NCAM1: variants seen among roughly 807,000 people sequenced by gnomAD.
NCAM1 encodes neural cell adhesion molecule 1.
A neutral mutation model predicts 109.8 loss-of-function variants in NCAM1; 14 were observed. That is an observed-to-expected ratio of 0.13 (90% CI 0.08 to 0.20). NCAM1 has a LOEUF of 0.20. Ranked by LOEUF, NCAM1 falls within the 10% of genes least tolerant of loss-of-function variation. NCAM1 has a pLI of 1.00. For missense variants in NCAM1, 774 were observed against 1,109.9 expected, an observed-to-expected ratio of 0.70 and a Z score of 4.30; for synonymous variants, 418 against 442.9, an observed-to-expected ratio of 0.94 and a Z score of 0.70.
chr11:113,162,184 C>G (rs7939805), intron 1 of NCAM1, among the ~76,000 whole-genome samples: 1 of 152,160 alleles, frequency 6.6e-6, no homozygotes, highest in Non-Finnish European at 1.5e-5. Flanking sequence ...GCTACAGGAA[C>G]AAGGCCAGGG....
chr11:113,256,863 A>C lies in NCAM1; in HGVS notation c.1953+862A>C, dbSNP rs559950355. Among the ~76,000 whole-genome samples, 97 of 152,358 alleles carry C rather than the reference A, an allele frequency of 6.4e-4. 2 individuals carry two copies. In the South Asian group the frequency reaches 6.6e-3, roughly 10 times the overall value. On this transcript the variant is annotated intron_variant, in intron 16 of 19. Transcript: ENST00000316851. ...TAACCTCTTGCTGGGGTTTCGTAGT[A>C]GAGAAAAGAATGAACCAGGGAGCAG...
Position 113,034,563 on chromosome 11 carries a change from C to CT in NCAM1, c.52+72902dup, listed in dbSNP as rs1361194960. ...TATTTCTTTTCTTCTTTTTCTTCTT[C>CT]TTTCACTGCTTCTCTTGAATGGCCC... On this transcript the variant is annotated intron_variant, in intron 1 of 19. Transcript: ENST00000316851. 4.0e-5 allele frequency among the ~76,000 whole-genome samples: 6 copies of CT among 151,794 alleles called. No homozygotes were observed. The East Asian group carries it at 1.2e-3, about 29-fold the overall frequency.
intron 1 of NCAM1, among the ~76,000 whole-genome samples, chr11:113,051,043 G>A (rs1555081730): frequency 6.6e-6 from 1 of 152,098 alleles, no homozygotes; most frequent in Admixed American, 6.6e-5. Flanking sequence ...CTGCTATAGG[G>A]AACCCATGGA....
At chr11:113,151,114 C>T (rs1180080530) in intron 1 of NCAM1, among the ~76,000 whole-genome samples, 1 of 152,174 alleles carries the variant, frequency 6.6e-6, no homozygotes, top group African/African-American at 2.4e-5. Flanking sequence ...ACCTCATGAG[C>T]CACGTTGACA....
chr11:113,116,761 A>G (rs1940732433), intron 1 of NCAM1, among the ~76,000 whole-genome samples: 1 of 150,912 alleles, frequency 6.6e-6, no homozygotes, highest in Non-Finnish European at 1.5e-5. Flanking sequence ...GCACATTGAC[A>G]TTCTTCAAGA....
rs1246218159 is a variant in NCAM1, at chr11:113,276,884, T to A, written c.*1497T>A. 1 of 152,936 alleles carries A rather than the reference T, an allele frequency of 6.5e-6. No individual in the cohort carries two copies. The highest frequency in any genetic ancestry group is 1.9e-4 in the East Asian group (1 of 5,218). The allele number at this position is 152,936 out of a possible 1,614,324, so 9.5% of individuals were successfully genotyped here. A position where few individuals can be genotyped will look rare whatever the true frequency, so the allele number is the denominator to read the frequency against. On this transcript the variant is annotated 3_prime_UTR_variant, in exon 20 of 20. Transcript: ENST00000316851. ...GCCCTTTGTATAGAAATTTTGCTTTTTTTTCCCTCATTCTACTTTAGAACT... is the reference window on the plus strand; with the variant it reads ...GCCCTTTGTATAGAAATTTTGCTTTATTTTCCCTCATTCTACTTTAGAACT...
Position 113,260,332 on chromosome 11 carries a change from G to C in NCAM1, c.2131+9G>C. On this transcript the variant is annotated intron_variant, in intron 17 of 19. Coordinates refer to ENST00000316851, the MANE Select transcript of NCAM1 (RefSeq NM_181351.5). ...GCCCACAGCCATCCCAGGTATGGCTGCCTCTGCTTTCTGTTTGTTTCCGCT... is the reference window on the plus strand; with the variant it reads ...GCCCACAGCCATCCCAGGTATGGCTCCCTCTGCTTTCTGTTTGTTTCCGCT... 6.2e-7 allele frequency: 1 copy of C among 1,608,478 alleles called. No individual in the cohort carries two copies. Among genetic ancestry groups the C allele is most frequent in the Non-Finnish European group, 8.5e-7 (1 of 1,178,182 alleles).
chr11:112,970,511 A>C (rs1198118381), intron 1 of NCAM1, among the ~76,000 whole-genome samples: 5 of 152,172 alleles, frequency 3.3e-5, no homozygotes, highest in African/African-American at 9.7e-5. Context: ...CGGGGAAAGG[A>C]CACCATTGGG....
chr11:113,006,956 G>C (rs1367462367), intron 1 of NCAM1, among the ~76,000 whole-genome samples: 2 of 152,118 alleles, frequency 1.3e-5, no homozygotes, highest in Admixed American at 1.3e-4. Flanking sequence ...GAAACAAAAA[G>C]ACCCAAAACA....
intron 1 of NCAM1, among the ~76,000 whole-genome samples, chr11:113,025,445 G>T (rs1213329091): frequency 3.9e-5 from 6 of 152,156 alleles, no homozygotes; most frequent in Admixed American, 1.3e-4. Flanking sequence ...TTAAGATGCT[G>T]TTCTCATAGA....
chr11:113,177,388 A>G (rs1054472335), intron 1 of NCAM1, among the ~76,000 whole-genome samples: 1 of 152,142 alleles, frequency 6.6e-6, no homozygotes, highest in Non-Finnish European at 1.5e-5. Context: ...AAAAAAAACC[A>G]CTATTAAAAG....
At chr11:113,224,617 G>A (rs1490509567) in intron 9 of NCAM1, among the ~76,000 whole-genome samples, 1 of 152,230 alleles carries the variant, frequency 6.6e-6, no homozygotes, top group Non-Finnish European at 1.5e-5. Context: ...TGAGATCCGA[G>A]AACGGACAGA....
At chr11:113,230,996 A>G (rs180807279) in intron 9 of NCAM1, among the ~76,000 whole-genome samples, 1 of 152,352 alleles carries the variant, frequency 6.6e-6, no homozygotes, top group East Asian at 1.9e-4. Flanking sequence ...AGACCTGCCT[A>G]GGACTCTCTG....
At chr11:113,240,519 T>G in intron 14 of NCAM1, 2 of 489,482 alleles carry the variant, frequency 4.1e-6, no homozygotes, top group Non-Finnish European at 7.2e-6. Context: ...CAGTCAAGGT[T>G]TGAGGCTTGT....
intron 1 of NCAM1, among the ~76,000 whole-genome samples, chr11:113,114,461 G>C (rs563572515): frequency 6.6e-6 from 1 of 152,334 alleles, no homozygotes; most frequent in African/African-American, 2.4e-5. Flanking sequence ...GGAAAAGAAA[G>C]GTCTGTTTTG....
intron 14 of NCAM1, among the ~76,000 whole-genome samples, chr11:113,241,704 A>T (rs1227086763): frequency 6.6e-6 from 1 of 152,158 alleles, no homozygotes; most frequent in Non-Finnish European, 1.5e-5. Flanking sequence ...TGGAGTTTTG[A>T]ACCTAGCTTT....
In NCAM1 at chr11:113,018,233, A is replaced by G. The variant is rs895642886; in HGVS notation, c.52+56569A>G. Among the ~76,000 whole-genome samples the G allele has an allele frequency of 4.7e-4, 72 of 152,230 alleles. 1 individual carries two copies. Among genetic ancestry groups the G allele is most frequent in the Admixed American group, 4.6e-3 (70 of 15,292 alleles). On this transcript the variant is annotated intron_variant, in intron 1 of 19. Transcript: ENST00000316851. ...AAATTTACCATCTTAATCATTTTCA[A>G]GTATACAGTCCTGTACTGTTGGGTA...
At chr11:113,269,886 CGGTGTT>C (rs879998629) in intron 17 of NCAM1, 7 of 450,682 alleles carry the variant, frequency 1.6e-5, no homozygotes, top group African/African-American at 7.9e-5. Context: ...CCTCATTATC[CGGTGTT>C]CTCAGACAGG....
chr11:113,250,722 C>T (rs926058055), intron 15 of NCAM1, among the ~76,000 whole-genome samples: 2 of 152,200 alleles, frequency 1.3e-5, no homozygotes, highest in Admixed American at 6.5e-5. Context: ...TACGCTCAGA[C>T]ACCTGAAACT....
Sources: allele counts gnomAD v4.1 joint callset (sites outside exome capture counted in the v4.1 genomes callset), GRCh38; gene constraint gnomAD v4.1.1; transcripts MANE v1.5; gene names NCBI Gene and HGNC (gene_info 2026-07-23, HGNC 2026-07-21).